TMEM132D: variants seen among roughly 807,000 people sequenced by gnomAD.
TMEM132D encodes the protein transmembrane protein 132D.
Under a neutral mutation model 62.3 loss-of-function variants are expected in TMEM132D, and 21 were observed. That is an observed-to-expected ratio of 0.34 (90% CI 0.24 to 0.49). The LOEUF (loss-of-function observed/expected upper bound fraction) is 0.49, where lower values mean the gene tolerates loss of function less well. Ranked by LOEUF, TMEM132D falls within the 20% of genes least tolerant of loss-of-function variation. TMEM132D has a pLI of 0.99. For missense variants in TMEM132D, 1,346 were observed against 1,402.8 expected (o/e 0.96, Z 0.65); for synonymous variants, 621 against 575.6 (o/e 1.08, Z -1.13).
At chr12:129,617,672 C>G (rs147059053) in intron 2 of TMEM132D, among the ~76,000 whole-genome samples, 1 of 152,106 alleles carries the variant, frequency 6.6e-6, no homozygotes, top group Non-Finnish European at 1.5e-5. Flanking sequence ...GTGCTGTCAA[C>G]GGTGCCTCAC....
intron 3 of TMEM132D, among the ~76,000 whole-genome samples, chr12:129,511,363 T>C (rs1185479636): frequency 6.6e-6 from 1 of 152,252 alleles, no homozygotes; most frequent in Non-Finnish European, 1.5e-5. Flanking sequence ...TGCACCAGTG[T>C]GTCATGCCTT....
intron 1 of TMEM132D, among the ~76,000 whole-genome samples, chr12:129,726,468 A>T (rs1412461413): frequency 1.3e-5 from 2 of 152,130 alleles, no homozygotes; most frequent in Non-Finnish European, 2.9e-5. Context: ...GGCATGGTAA[A>T]AAGAGAATGT....
chr12:129,088,222 C>T lies in TMEM132D; in HGVS notation c.1444-3520G>A, dbSNP rs1430232553. Reference sequence around the variant, plus strand: ...TCCATGACCGGGTGTCCTCCATGACCGGGTGTCCTCCATGACCGGGGTGTC... The same window carrying T: ...TCCATGACCGGGTGTCCTCCATGACTGGGTGTCCTCCATGACCGGGGTGTC... On this transcript the variant is annotated intron_variant, in intron 5 of 8. Coordinates refer to ENST00000422113, the MANE Select transcript of TMEM132D (RefSeq NM_133448.3). 8.1e-5 allele frequency among the ~76,000 whole-genome samples: 3 copies of T among 37,232 alleles called. 1 individual carries two copies. The highest frequency in any genetic ancestry group is 4.2e-4 in the African/African-American group (3 of 7,106). The allele number at this position is 37,232 out of a possible 152,430, so 24.4% of individuals were successfully genotyped here. A position where few individuals can be genotyped will look rare whatever the true frequency, so the allele number is the denominator to read the frequency against.
chr12:129,214,897 T>C (rs759266607), intron 4 of TMEM132D, among the ~76,000 whole-genome samples: 9 of 152,156 alleles, frequency 5.9e-5, no homozygotes, highest in Non-Finnish European at 1.3e-4. Context: ...TGGAAGACGG[T>C]GTGGTGATTC....
At chr12:129,562,593 T>C (rs538312031) in intron 2 of TMEM132D, among the ~76,000 whole-genome samples, 1 of 152,248 alleles carries the variant, frequency 6.6e-6, no homozygotes, top group East Asian at 1.9e-4. Flanking sequence ...ACCAGCTCTT[T>C]CTCCTTGGAT....
At chr12:129,495,549 C>T (rs1192814055) in intron 3 of TMEM132D, among the ~76,000 whole-genome samples, 1 of 152,176 alleles carries the variant, frequency 6.6e-6, no homozygotes, top group Non-Finnish European at 1.5e-5. Flanking sequence ...ATGAGCTAGA[C>T]AAGGCCACGC....
At chr12:129,202,702 T>C (rs1264476170) in intron 5 of TMEM132D, among the ~76,000 whole-genome samples, 1 of 152,164 alleles carries the variant, frequency 6.6e-6, no homozygotes, top group Non-Finnish European at 1.5e-5. Flanking sequence ...TCCTGGAGAC[T>C]GGAGATGTGG....
chr12:129,819,021 T>C (rs57526636), intron 1 of TMEM132D, among the ~76,000 whole-genome samples: 147,731 of 151,538 alleles, frequency 0.97, 72,053 homozygotes, highest in Non-Finnish European at 0.99. Context: ...GGTGACAGAG[T>C]GAGACTCTGT....
chr12:129,549,964 G>A (rs1327994113), intron 2 of TMEM132D, among the ~76,000 whole-genome samples: 1 of 152,158 alleles, frequency 6.6e-6, no homozygotes, highest in Non-Finnish European at 1.5e-5. Flanking sequence ...GCTTGTTACT[G>A]AGGCCTAACC....
At chr12:129,326,043 C>T (rs1165628219) in intron 4 of TMEM132D, among the ~76,000 whole-genome samples, 3 of 152,180 alleles carry the variant, frequency 2.0e-5, no homozygotes. Flanking sequence ...AGGCTTCGCT[C>T]ATGACAGGGA....
chr12:129,709,668 G>T (rs910311964), intron 1 of TMEM132D, among the ~76,000 whole-genome samples: 4 of 152,152 alleles, frequency 2.6e-5, no homozygotes, highest in Admixed American at 1.3e-4. Flanking sequence ...TGCCTTTAAT[G>T]CATGTTTTTT....
intron 4 of TMEM132D, among the ~76,000 whole-genome samples, chr12:129,312,241 C>T (rs1365166191): frequency 6.6e-6 from 1 of 152,134 alleles, no homozygotes; most frequent in Non-Finnish European, 1.5e-5. Flanking sequence ...GGGAATAAGA[C>T]AAATCAGCAC....
chr12:129,571,367 C>T (rs541480891), intron 2 of TMEM132D, among the ~76,000 whole-genome samples: 1 of 152,096 alleles, frequency 6.6e-6, no homozygotes, highest in Non-Finnish European at 1.5e-5. Context: ...AGTTCAAGAC[C>T]AGCCTGGCCA....
intron 3 of TMEM132D, among the ~76,000 whole-genome samples, chr12:129,450,252 T>C (rs1033489973): frequency 3.9e-5 from 6 of 152,218 alleles, no homozygotes; most frequent in African/African-American, 1.4e-4. Context: ...CAATTGCTTT[T>C]GGCATCTTTG....
At chr12:129,089,147 C>T (rs1328976298) in intron 5 of TMEM132D, among the ~76,000 whole-genome samples, 1 of 39,748 alleles carries the variant, frequency 2.5e-5, no homozygotes, top group Admixed American at 2.8e-4. Flanking sequence ...CCTCTATGAC[C>T]GGGTGTCCTC....
At chr12:129,626,571 C>T (rs1258371968) in intron 2 of TMEM132D, among the ~76,000 whole-genome samples, 1 of 152,052 alleles carries the variant, frequency 6.6e-6, no homozygotes, top group Non-Finnish European at 1.5e-5. Flanking sequence ...GATTCTCCTA[C>T]CTCAGACTCC....
chr12:129,659,619 G>C (rs1244559039), intron 2 of TMEM132D, among the ~76,000 whole-genome samples: 2 of 151,118 alleles, frequency 1.3e-5, no homozygotes, highest in African/African-American at 4.9e-5. Context: ...AAAAAACCCA[G>C]TAACTCTTCT....
chr12:129,754,737 C>G (rs1870109683), intron 1 of TMEM132D, among the ~76,000 whole-genome samples: 1 of 152,192 alleles, frequency 6.6e-6, no homozygotes, highest in South Asian at 2.1e-4. Flanking sequence ...AAATCACATT[C>G]ATTACATTAA....
intron 1 of TMEM132D, among the ~76,000 whole-genome samples, chr12:129,831,274 T>C (rs1301522456): frequency 1.3e-5 from 2 of 152,242 alleles, no homozygotes; most frequent in Admixed American, 6.5e-5. Context: ...GACGCTGACA[T>C]GGGCACTGAC....
Sources: gnomAD v4.1 joint callset for allele counts (sites outside exome capture counted in the v4.1 genomes callset) on GRCh38, gnomAD v4.1.1 for gene constraint, MANE v1.5 for transcripts, NCBI Gene and HGNC (gene_info 2026-07-23, HGNC 2026-07-21) for gene names.